BACH2: variants seen among roughly 807,000 people sequenced by gnomAD.
The protein encoded by BACH2 is transcription regulator protein BACH2.
In BACH2, 5 loss-of-function variants were observed where a neutral mutation model predicts 61.8. That is an observed-to-expected ratio of 0.08 (90% CI 0.04 to 0.17). BACH2 has a LOEUF of 0.17. Ranked by LOEUF, BACH2 falls within the 10% of genes least tolerant of loss-of-function variation. BACH2 has a pLI of 1.00. For missense variants in BACH2, 824 were observed against 1,091.1 expected (o/e 0.76, Z 3.45); for synonymous variants, 446 against 440.1 (o/e 1.01, Z -0.17).
chr6:90,238,534 A>ATTTAAAAACTCTTCC (rs1177636064), intron 3 of BACH2, among the ~76,000 whole-genome samples: 1 of 152,242 alleles, frequency 6.6e-6, no homozygotes, highest in Non-Finnish European at 1.5e-5. Flanking sequence ...ATAAGAATGA[A>ATTTAAAAACTCTTCC]TTTAAAAACT....
intron 5 of BACH2, among the ~76,000 whole-genome samples, chr6:90,078,507 G>C (rs1781574710): frequency 6.6e-6 from 1 of 152,130 alleles, no homozygotes; most frequent in Non-Finnish European, 1.5e-5. Flanking sequence ...CTGAAACACT[G>C]AACCAGAGGC....
rs141888440 is a variant in BACH2, at chr6:90,013,470, T to C, written c.-12-4614A>G. Among the ~76,000 whole-genome samples the C allele has an allele frequency of 3.0e-3, 438 of 146,410 alleles. 15 individuals carry two copies. The East Asian group carries it at 0.085, about 28-fold the overall frequency. On this transcript the variant is annotated intron_variant, in intron 5 of 8. Coordinates refer to ENST00000257749, the MANE Select transcript of BACH2 (RefSeq NM_021813.4). ...TCCCTCTCTCCTCCCCTTCCTTCCC[T>C]CCCCTCCCCTCCCCTTGTTTTCCCT...
chr6:90,169,997 T>C (rs960038856), intron 4 of BACH2, among the ~76,000 whole-genome samples: 1 of 152,258 alleles, frequency 6.6e-6, no homozygotes, highest in Non-Finnish European at 1.5e-5. Context: ...TGGCATCGTA[T>C]AGTTGAAGTT....
chr6:90,180,002 T>C (rs1220875373), intron 4 of BACH2, among the ~76,000 whole-genome samples: 2 of 152,162 alleles, frequency 1.3e-5, no homozygotes, highest in African/African-American at 4.8e-5. Flanking sequence ...AAGAATGTTC[T>C]AGAGCTTTAT....
At chr6:90,071,962 A>G (rs1781248368) in intron 5 of BACH2, among the ~76,000 whole-genome samples, 1 of 152,100 alleles carries the variant, frequency 6.6e-6, no homozygotes, top group Non-Finnish European at 1.5e-5. Context: ...GAGGAGGAAG[A>G]AGAGGGATTG....
chr6:90,261,517 C>A (rs796386684), intron 2 of BACH2, among the ~76,000 whole-genome samples: 5 of 152,230 alleles, frequency 3.3e-5, no homozygotes, highest in African/African-American at 1.2e-4. Flanking sequence ...CTGAACCTAC[C>A]AGTTGACACA....
chr6:90,011,993 G>A (rs12191163), intron 5 of BACH2, among the ~76,000 whole-genome samples: 53,550 of 144,192 alleles, frequency 0.37, 9,946 homozygotes, highest in African/African-American at 0.42. Context: ...ATGAGGTCTC[G>A]CCATATTGCC....
At chr6:90,013,440 T>C (rs890382596) in intron 5 of BACH2, among the ~76,000 whole-genome samples, 7 of 151,996 alleles carry the variant, frequency 4.6e-5, no homozygotes, top group African/African-American at 1.7e-4. Flanking sequence ...TTTTATTTCT[T>C]TCTCTCCCTC....
At chr6:90,154,829 G>T (rs1314888191) in intron 4 of BACH2, among the ~76,000 whole-genome samples, 1 of 152,182 alleles carries the variant, frequency 6.6e-6, no homozygotes, top group Non-Finnish European at 1.5e-5. Flanking sequence ...GGTCCTGTCC[G>T]TAGAAAGAGA....
chr6:90,027,538 C>A (rs1200657070), intron 5 of BACH2, among the ~76,000 whole-genome samples: 2 of 152,094 alleles, frequency 1.3e-5, no homozygotes, highest in African/African-American at 4.8e-5. Flanking sequence ...GCAGACAATA[C>A]CCCCTCTCCA....
At chr6:90,233,862 C>G (rs1254640205) in intron 3 of BACH2, among the ~76,000 whole-genome samples, 1 of 152,096 alleles carries the variant, frequency 6.6e-6, no homozygotes, top group Non-Finnish European at 1.5e-5. Flanking sequence ...GGACCAGGGA[C>G]AAGATAGCAC....
chr6:90,276,550 G>A (rs1443399449), intron 1 of BACH2, among the ~76,000 whole-genome samples: 2 of 152,194 alleles, frequency 1.3e-5, no homozygotes, highest in Admixed American at 1.3e-4. Flanking sequence ...CTAAAAACAA[G>A]TTATGGTATT....
intron 5 of BACH2, among the ~76,000 whole-genome samples, chr6:90,066,626 CA>C (rs1450479385): frequency 6.6e-6 from 1 of 152,144 alleles, no homozygotes; most frequent in Non-Finnish European, 1.5e-5. Flanking sequence ...GCATAAACTA[CA>C]AAAGAAAAGA....
intron 7 of BACH2, among the ~76,000 whole-genome samples, chr6:89,943,227 A>C (rs1397191635): frequency 1.3e-5 from 2 of 152,096 alleles, no homozygotes; most frequent in African/African-American, 4.8e-5. Context: ...GTCTCCTTGC[A>C]TGCTGTCTGC....
intron 4 of BACH2, among the ~76,000 whole-genome samples, chr6:90,146,536 G>A (rs1784626367): frequency 6.6e-6 from 1 of 152,172 alleles, no homozygotes; most frequent in African/African-American, 2.4e-5. Context: ...ACTACTCCAT[G>A]ACCCATAACT....
intron 6 of BACH2, among the ~76,000 whole-genome samples, chr6:89,969,216 G>C (rs1775225357): frequency 6.6e-6 from 1 of 151,818 alleles, no homozygotes; most frequent in Non-Finnish European, 1.5e-5. Context: ...ACCACGCCCA[G>C]CTAATTTTTT....
intron 4 of BACH2, among the ~76,000 whole-genome samples, chr6:90,123,782 A>G (rs1783736338): frequency 6.7e-6 from 1 of 150,360 alleles, no homozygotes; most frequent in Non-Finnish European, 1.5e-5. Flanking sequence ...AAAAAAAAAA[A>G]AAAAAAAAAA....
intron 4 of BACH2, among the ~76,000 whole-genome samples, chr6:90,205,313 C>T (rs76231116): frequency 0.049 from 7,485 of 152,230 alleles, 239 homozygotes; most frequent in Admixed American, 0.096. Context: ...TTGTAGGCTC[C>T]GGAAACAACT....
At chr6:90,148,711 C>T (rs1355823666) in intron 4 of BACH2, among the ~76,000 whole-genome samples, 3 of 152,172 alleles carry the variant, frequency 2.0e-5, no homozygotes, top group African/African-American at 4.8e-5. Flanking sequence ...CACGCATACA[C>T]GCACACCTAC....
Sources: gnomAD v4.1 joint callset for allele counts (sites outside exome capture counted in the v4.1 genomes callset) on GRCh38, gnomAD v4.1.1 for gene constraint, MANE v1.5 for transcripts, NCBI Gene and HGNC (gene_info 2026-07-23, HGNC 2026-07-21) for gene names.